MOXD1: variants seen among roughly 807,000 people sequenced by gnomAD.
MOXD1 encodes monooxygenase DBH like 1, also known as DBH-like monooxygenase protein 1.
MOXD1 carries 62 observed loss-of-function variants against 66.6 expected under a neutral mutation model. The ratio of observed to expected loss-of-function variants is 0.93; its 90% CI spans 0.76 to 1.15. The LOEUF (loss-of-function observed/expected upper bound fraction) is 1.15. Among genes scored for constraint, MOXD1 ranks in the 50% most tolerant of loss-of-function variants. The pLI is 0.00. For missense variants in MOXD1, 847 were observed against 754.6 expected (o/e 1.12, Z -1.44); for synonymous variants, 303 against 281.9 (o/e 1.07, Z -0.75).
intron 4 of MOXD1, among the ~76,000 whole-genome samples, chr6:132,332,896 A>G (rs1443795969): frequency 1.3e-5 from 2 of 152,202 alleles, no homozygotes; most frequent in African/African-American, 4.8e-5. Context: ...ACAGAGCTCC[A>G]TGCCCCTTCC....
At chr6:132,302,628 C>T (rs1451732821) in intron 10 of MOXD1, among the ~76,000 whole-genome samples, 1 of 152,112 alleles carries the variant, frequency 6.6e-6, no homozygotes, top group East Asian at 1.9e-4. Flanking sequence ...GGTATCAATT[C>T]TCTCAAATTG....
chr6:132,385,024 G>A (rs1225754894), intron 1 of MOXD1, among the ~76,000 whole-genome samples: 1 of 152,202 alleles, frequency 6.6e-6, no homozygotes, highest in African/African-American at 2.4e-5. Flanking sequence ...AGAGAGGTGG[G>A]CAGGTGTTAG....
chr6:132,327,270 A>G (rs146453703), intron 6 of MOXD1, among the ~76,000 whole-genome samples: 1 of 152,340 alleles, frequency 6.6e-6, no homozygotes, highest in African/African-American at 2.4e-5. Context: ...TATGATTGCT[A>G]TGAAAAATTG....
intron 1 of MOXD1, among the ~76,000 whole-genome samples, chr6:132,399,364 A>G (rs147946485): frequency 6.6e-6 from 1 of 152,356 alleles, no homozygotes; most frequent in East Asian, 1.9e-4. Flanking sequence ...CATTAAATGT[A>G]TTGAGAATGC....
intron 1 of MOXD1, among the ~76,000 whole-genome samples, chr6:132,395,881 C>T (rs58381483): frequency 1.6e-4 from 25 of 152,234 alleles, no homozygotes; most frequent in African/African-American, 5.8e-4. Flanking sequence ...CACCAAAACA[C>T]CCAGATCTAT....
chr6:132,322,538 G>T, intron 8 of MOXD1, 141 bp downstream of exon 8: 1 of 745,368 alleles, frequency 1.3e-6, no homozygotes, highest in Non-Finnish European at 2.1e-6. Context: ...CATCTGGGTT[G>T]TACAACACCC....
chr6:132,298,330 A>T (rs1774456586), intron 10 of MOXD1, among the ~76,000 whole-genome samples: 1 of 152,150 alleles, frequency 6.6e-6, no homozygotes, highest in Non-Finnish European at 1.5e-5. Context: ...CAAAATTTAA[A>T]CAAATAATTT....
chr6:132,378,333 G>T (rs1970334), intron 1 of MOXD1, among the ~76,000 whole-genome samples: 19,295 of 151,880 alleles, frequency 0.13, 1,806 homozygotes, highest in East Asian at 0.45. Context: ...AAAACAAATA[G>T]TCTAAACCTT....
chr6:132,354,918 GTTGCCAGGGA>G (rs896853681), intron 4 of MOXD1, among the ~76,000 whole-genome samples: 3 of 152,046 alleles, frequency 2.0e-5, no homozygotes, highest in African/African-American at 7.2e-5. Flanking sequence ...AGTCATGCAG[GTTGCCAGGGA>G]AGTAGGGGAA....
At chr6:132,319,259 A>C (rs1775024265) in intron 9 of MOXD1, among the ~76,000 whole-genome samples, 1 of 152,036 alleles carries the variant, frequency 6.6e-6, no homozygotes, top group Non-Finnish European at 1.5e-5. Flanking sequence ...AAGATTTCTT[A>C]GCTAGAATAC....
intron 4 of MOXD1, among the ~76,000 whole-genome samples, chr6:132,330,136 G>T (rs1443492528): frequency 6.6e-6 from 1 of 152,148 alleles, no homozygotes; most frequent in Non-Finnish European, 1.5e-5. Context: ...GTGTAGGTGG[G>T]CTGTAGGTGT....
rs1385578812 is a variant in MOXD1 at position 132,372,587 on chromosome 6, GC to G, written c.663+20del. On this transcript the variant is annotated intron_variant, in intron 4 of 11. Transcript: ENST00000367963. ...TTTCCACTCATGAAAATTAATTTTA[GC>G]CTATGAATGAGTCACATACCTTTAT... 6.4e-7 allele frequency: 1 copy of G among 1,565,248 alleles called. No individual in the cohort carries two copies. Among genetic ancestry groups the G allele is most frequent in the Non-Finnish European group, 8.8e-7 (1 of 1,136,960 alleles).
At chr6:132,397,555 A>G (rs1418873606) in intron 1 of MOXD1, among the ~76,000 whole-genome samples, 1 of 151,834 alleles carries the variant, frequency 6.6e-6, no homozygotes, top group Non-Finnish European at 1.5e-5. Context: ...ATGATGGTTG[A>G]ATTGTTGCCA....
chr6:132,356,661 TAA>T (rs1775915487), intron 4 of MOXD1, among the ~76,000 whole-genome samples: 1 of 152,158 alleles, frequency 6.6e-6, no homozygotes, highest in African/African-American at 2.4e-5. Flanking sequence ...GGTTTATACA[TAA>T]TAGGAGATTA....
intron 6 of MOXD1, among the ~76,000 whole-genome samples, chr6:132,326,044 G>C (rs532672929): frequency 9.3e-4 from 141 of 152,118 alleles, no homozygotes; most frequent in Non-Finnish European, 1.6e-3. Context: ...TTCCTTATAA[G>C]TTTGACAGGG....
intron 4 of MOXD1, among the ~76,000 whole-genome samples, chr6:132,371,121 T>C (rs924292041): frequency 1.3e-5 from 2 of 152,162 alleles, no homozygotes; most frequent in African/African-American, 4.8e-5. Context: ...TATTTCTGAA[T>C]CTACAGTTTT....
chr6:132,344,970 G>A (rs1301600029), intron 4 of MOXD1, among the ~76,000 whole-genome samples: 1 of 152,144 alleles, frequency 6.6e-6, no homozygotes, highest in Non-Finnish European at 1.5e-5. Flanking sequence ...CCAAACAGCA[G>A]GTGCAAAAGG....
At position 132,297,856 on chromosome 6, in the gene MOXD1, G is replaced by C. The variant is rs200056795; in HGVS notation, c.1608C>G (p.Ser536=). 1 of 1,613,410 alleles carries C rather than the reference G, an allele frequency of 6.2e-7. No homozygotes were observed. Among genetic ancestry groups the C allele is most frequent in the Non-Finnish European group, 8.5e-7 (1 of 1,179,612 alleles). ...GCAGGCTGAGGACCAGCTTGTTGAA[G>C]GAGAGACCTTCCTTTTTAGTCCATT... is the stretch of plus-strand genomic sequence containing the variant. The part of the protein sequence containing the change: ...KFKWTKKEGL[S]FNKLVLSLPV... The change falls in exon 11 of 12, where the codon TCC becomes TCG. Residue 536 remains serine, a synonymous_variant. Transcript: ENST00000367963.
At chr6:132,346,266 C>T (rs1582585520) in intron 4 of MOXD1, among the ~76,000 whole-genome samples, 1 of 152,026 alleles carries the variant, frequency 6.6e-6, no homozygotes. Flanking sequence ...AACTAACTTC[C>T]TTTTAATAAA....
Sources: allele counts gnomAD v4.1 joint callset (sites outside exome capture counted in the v4.1 genomes callset), GRCh38; gene constraint gnomAD v4.1.1; transcripts MANE v1.5; gene names NCBI Gene and HGNC (gene_info 2026-07-23, HGNC 2026-07-21).